Variants in KLC2 observed in about 807,000 individuals in gnomAD.
KLC2 encodes kinesin light chain 2.
In KLC2, 35 loss-of-function variants were observed where a neutral mutation model predicts 75.1. The observed-to-expected ratio is 0.47, with a 90% CI of 0.36 to 0.62. KLC2 has a LOEUF of 0.62. Ranked by LOEUF, KLC2 falls within the 20% of genes least tolerant of loss-of-function variation. KLC2 has a pLI of 0.00. For missense variants in KLC2, 611 were observed against 833.2 expected (o/e 0.73, Z 3.28); for synonymous variants, 314 against 336.7 (o/e 0.93, Z 0.74).
rs747748117 is a variant in KLC2 at position 66,266,441 on chromosome 11, G to A, written c.1736G>A (p.Arg579Gln). Residue 579 changes from arginine to glutamine, a missense_variant, in exon 15 of 16, where the codon CGG (arginine) becomes CAG (glutamine). Arg to Gln is a conservative substitution (Grantham distance 43, BLOSUM62 1). Coordinates refer to ENST00000394067, the MANE Select transcript of KLC2 (RefSeq NM_001318734.2). ...CTGTCCTTTTCCCTCAGGATGAAGCGGGCCAGTTCCCTCAACTTCCTCAAC... is the reference window on the plus strand; with the variant it reads ...CTGTCCTTTTCCCTCAGGATGAAGCAGGCCAGTTCCCTCAACTTCCTCAAC... ...PQEPPNPRMK[R>Q]ASSLNFLNKS... 4 of 1,608,634 alleles carry A rather than the reference G, an allele frequency of 2.5e-6. No homozygotes were observed. The highest frequency in any genetic ancestry group is 2.6e-6 in the Non-Finnish European group (3 of 1,176,418).
chr11:66,261,728 G>A lies in KLC2; in HGVS notation c.229-14G>A. On this transcript the variant is annotated splice_polypyrimidine_tract_variant and intron_variant, in intron 2 of 15. Transcript: ENST00000394067. ...TCGACAGGCCTCCGACCCTTACCTG[G>A]GCTGGTTGCACAGGTGATCTTGGCA... 6.3e-7 allele frequency: 1 copy of A among 1,583,538 alleles called. No individual in the cohort carries two copies. Among genetic ancestry groups the A allele is most frequent in the Non-Finnish European group, 8.7e-7 (1 of 1,154,674 alleles).
chr11:66,251,053 A>G, the KLC2 span, among the ~76,000 whole-genome samples: 48 of 152,268 alleles, frequency 3.2e-4, no homozygotes, highest in Admixed American at 1.2e-3. Context: ...TGCTCTGCAG[A>G]CCAGCAGATG....
the KLC2 span, among the ~76,000 whole-genome samples, chr11:66,246,499 C>T: frequency 6.6e-6 from 1 of 152,178 alleles, no homozygotes; most frequent in East Asian, 1.9e-4. Context: ...CCTCTTCACT[C>T]CTTGAGGGCT....
chr11:66,264,169 A>G lies in KLC2; in HGVS notation c.1066A>G (p.Thr356Ala), dbSNP rs763574949. ...YYRRALEIYA[T>A]RLGPDDPNVA... Reference sequence around the variant, plus strand: ...TCGGCGGGCACTGGAGATCTATGCTACACGCCTCGGGCCCGATGACCCCAA... The same window carrying G: ...TCGGCGGGCACTGGAGATCTATGCTGCACGCCTCGGGCCCGATGACCCCAA... The change falls in exon 8 of 16, where the codon ACA becomes GCA. Residue 356 changes from threonine to alanine, a missense_variant. Coordinates refer to ENST00000394067, the MANE Select transcript of KLC2 (RefSeq NM_001318734.2). 15 of 1,572,896 alleles carry G rather than the reference A, an allele frequency of 9.5e-6. No individual in the cohort carries two copies. The Admixed American group carries it at 2.4e-4, about 26-fold the overall frequency.
rs1185035427 is a variant in KLC2 at position 66,265,570 on chromosome 11, C to T, written c.1335-85C>T. On this transcript the variant is annotated intron_variant, in intron 11 of 15. Coordinates refer to ENST00000394067, the MANE Select transcript of KLC2 (RefSeq NM_001318734.2). ...ATTCTGGCTACCCCGGAGGTCCATG[C>T]TTCCTCAGGGCCCACTGTGGGCTGG... The T allele has an allele frequency of 1.2e-5, 14 of 1,133,398 alleles. No homozygotes were observed. In the East Asian group the frequency reaches 3.3e-4, roughly 26 times the overall value. 70.2% of individuals were successfully genotyped at this position (1,133,398 alleles called of 1,614,324 possible).
the KLC2 span, among the ~76,000 whole-genome samples, chr11:66,250,181 T>G: frequency 6.6e-6 from 1 of 152,116 alleles, no homozygotes; most frequent in African/African-American, 2.4e-5. Context: ...AAAGCCTGGT[T>G]GTTAGCCTCT....
chr11:66,256,951 G>C (rs1856063234), upstream of KLC2, among the ~76,000 whole-genome samples: 1 of 152,146 alleles, frequency 6.6e-6, no homozygotes, highest in South Asian at 2.1e-4. Context: ...GATGGGGAAG[G>C]GTCAGGAAAC....
At chr11:66,266,780 C>T in intron 15 of KLC2, 93 bp from the exon 16 acceptor site, 2 of 1,337,790 alleles carry the variant, frequency 1.5e-6, no homozygotes, top group East Asian at 2.3e-5. Context: ...CTCAGGGATT[C>T]CGGCTGCCTC....
upstream of KLC2, chr11:66,257,177 G>A (rs1856072478): frequency 6.6e-6 from 1 of 152,248 alleles, no homozygotes; most frequent in Non-Finnish European, 1.5e-5. Flanking sequence ...AGAGCCAAAC[G>A]TAGTAAGCTA....
At position 66,267,289 on chromosome 11, in the gene KLC2, C is replaced by A; in HGVS notation, c.*333C>A. 1 of 1,042,512 alleles carries A rather than the reference C, an allele frequency of 9.6e-7. No individual in the cohort carries two copies. 64.6% of individuals were successfully genotyped at this position (1,042,512 alleles called of 1,614,324 possible). On this transcript the variant is annotated 3_prime_UTR_variant, in exon 16 of 16. Coordinates refer to ENST00000394067, the MANE Select transcript of KLC2 (RefSeq NM_001318734.2). ...CAAGAACACTAAGCACTCGCCGGCC[C>A]TTCGGCACCCTCGCCCTCCCTCCCG... is the stretch of plus-strand genomic sequence containing the variant.
the KLC2 span, among the ~76,000 whole-genome samples, chr11:66,246,435 C>T: frequency 6.6e-6 from 1 of 152,150 alleles, no homozygotes; most frequent in African/African-American, 2.4e-5. Context: ...TATCCTCAGC[C>T]TCCCCTTCTG....
chr11:66,264,577 A>G, intron 9 of KLC2, 133 bp downstream of exon 9: 1 of 705,716 alleles, frequency 1.4e-6, no homozygotes, highest in South Asian at 1.6e-5. Flanking sequence ...TCACCCTCAG[A>G]TGGTGCCCAG....
chr11:66,258,961 C>T, intron 2 of KLC2, 139 bp downstream of exon 2: 1 of 638,088 alleles, frequency 1.6e-6, no homozygotes, highest in Non-Finnish European at 2.7e-6. Context: ...CAGTAAATAC[C>T]TTTTGAAGAA....
At position 66,267,817 on chromosome 11, in the gene KLC2, T is replaced by C. The variant is rs1856953965; in HGVS notation, c.*861T>C. On this transcript the variant is annotated 3_prime_UTR_variant, in exon 16 of 16. Coordinates refer to ENST00000394067, the MANE Select transcript of KLC2 (RefSeq NM_001318734.2). The stretch of plus-strand genomic sequence containing the variant: ...GTTGCGGGTGAGGCGGCTGCTCTCA[T>C]ATTTTCAGATGTTGCTGTAGAAATA... 16 of 290,462 alleles carry C rather than the reference T, an allele frequency of 5.5e-5. No homozygotes were observed. The highest frequency in any genetic ancestry group is 4.2e-4 in the East Asian group (10 of 23,606). 18.0% of individuals were successfully genotyped at this position (290,462 alleles called of 1,614,324 possible). A position where few individuals can be genotyped will look rare whatever the true frequency, so the allele number is the denominator to read the frequency against.
chr11:66,258,043 C>T (rs1177461612), intron 1 of KLC2, 172 bp downstream of exon 1: 1 of 152,984 alleles, frequency 6.5e-6, no homozygotes, highest in Non-Finnish European at 1.5e-5. Flanking sequence ...GCGGCCTTTT[C>T]AGGGAAGGCC....
chr11:66,265,729 C>T lies in KLC2; in HGVS notation c.1409C>T (p.Thr470Ile), dbSNP rs753268348. Residue 470 changes from threonine to isoleucine, a missense_variant, in exon 12 of 16, where the codon ACA becomes ATA. Coordinates refer to ENST00000394067, the MANE Select transcript of KLC2 (RefSeq NM_001318734.2). Reference protein sequence around the residue: ...RRQGKLEAAHTLEDCASRNRK... With the variant: ...RRQGKLEAAHILEDCASRNRK... ...CAGGGCAAGCTGGAAGCCGCGCACA[C>T]ACTAGAGGACTGTGCCAGCCGTAAC... The T allele has an allele frequency of 6.2e-7, 1 of 1,613,796 alleles. No individual in the cohort carries two copies. The highest frequency in any genetic ancestry group is 2.2e-5 in the East Asian group (1 of 44,882).
In KLC2 at chr11:66,257,784, T is replaced by A. The variant is rs1210763054; in HGVS notation, c.-99T>A. ...GGGGCTGCTGGGAAGGCCGGCGGGATGGAGGCGGCGGGACCGGCTCGCGGG... is the reference window on the plus strand; with the variant it reads ...GGGGCTGCTGGGAAGGCCGGCGGGAAGGAGGCGGCGGGACCGGCTCGCGGG... On this transcript the variant is annotated 5_prime_UTR_variant, in exon 1 of 16. An upstream start codon of the reference 5' UTR is lost. Transcript: ENST00000394067. 6.6e-6 allele frequency: 1 copy of A among 152,496 alleles called. No individual in the cohort carries two copies. Among genetic ancestry groups the A allele is most frequent in the Non-Finnish European group, 1.5e-5 (1 of 68,426 alleles). The allele number at this position is 152,496 out of a possible 1,614,324, so 9.4% of individuals were successfully genotyped here.
In KLC2 at chr11:66,264,075, C is replaced by T; in HGVS notation, c.972C>T (p.Ala324=). The T allele has an allele frequency of 1.2e-6, 2 of 1,607,406 alleles. No homozygotes were observed. The highest frequency in any genetic ancestry group is 1.7e-6 in the Non-Finnish European group (2 of 1,176,418). The change falls in exon 8 of 16, where the codon GCC becomes GCT. Residue 324 remains alanine, a synonymous_variant. Transcript: ENST00000394067. ...KVLGKFHPDV[A]KQLSNLALLC... ...TGGGCAAGTTTCACCCAGATGTGGC[C>T]AAGCAGCTCAGCAACCTGGCCCTGC...
Position 66,261,620 on chromosome 11 carries a change from G to A in KLC2, c.229-122G>A, listed in dbSNP as rs1486380534. The A allele has an allele frequency of 9.7e-6, 6 of 621,130 alleles. No individual in the cohort carries two copies. The Admixed American group carries it at 1.5e-4, about 15-fold the overall frequency. The allele number at this position is 621,130 out of a possible 1,614,324, so 38.5% of individuals were successfully genotyped here. Reference sequence around the variant, plus strand: ...TTGACAAGCAGAGAAAAGACCTGCAGCTCCTCACTGTAGGGCCAGGCCTGG... The same window carrying A: ...TTGACAAGCAGAGAAAAGACCTGCAACTCCTCACTGTAGGGCCAGGCCTGG... On this transcript the variant is annotated intron_variant, in intron 2 of 15. Coordinates refer to ENST00000394067, the MANE Select transcript of KLC2 (RefSeq NM_001318734.2).
Sources: gnomAD v4.1 joint callset for allele counts (sites outside exome capture counted in the v4.1 genomes callset) on GRCh38, gnomAD v4.1.1 for gene constraint, MANE v1.5 for transcripts, NCBI Gene and HGNC (gene_info 2026-07-23, HGNC 2026-07-21) for gene names.